NBEA: variants seen among roughly 807,000 people sequenced by gnomAD.
The protein encoded by NBEA is lysosomal-trafficking regulator 2.
In NBEA, 44 loss-of-function variants were observed where a neutral mutation model predicts 343.4. That is an observed-to-expected ratio of 0.13 (90% CI 0.10 to 0.16). NBEA has a LOEUF of 0.16. Ranked by LOEUF, NBEA falls within the 10% of genes least tolerant of loss-of-function variation. The pLI, the probability that NBEA is intolerant of heterozygous loss-of-function variation, is 1.00. For synonymous variants in NBEA, 1,175 were observed against 1,238.7 expected (o/e 0.95, Z 1.08); for missense variants, 2,555 against 3,631.3 (o/e 0.70, Z 7.62).
intron 34 of NBEA, among the ~76,000 whole-genome samples, chr13:35,244,238 A>T (rs2030821425): frequency 6.6e-6 from 1 of 151,954 alleles, no homozygotes; most frequent in Admixed American, 6.6e-5. Context: ...TTAGAAATAA[A>T]ACAACATATT....
At chr13:35,557,334 G>A (rs2079621633) in intron 44 of NBEA, among the ~76,000 whole-genome samples, 1 of 152,048 alleles carries the variant, frequency 6.6e-6, no homozygotes, top group South Asian at 2.1e-4. Flanking sequence ...TACTTTCTGG[G>A]AGTCTCTTTA....
At chr13:35,161,151 A>G (rs2069528687) in intron 22 of NBEA, among the ~76,000 whole-genome samples, 1 of 152,184 alleles carries the variant, frequency 6.6e-6, no homozygotes, top group African/African-American at 2.4e-5. Flanking sequence ...GATGTAAAAT[A>G]AAGGAAAACA....
rs142721934 is a variant in NBEA at position 35,038,513 on chromosome 13, C to T, written c.295-2420C>T. ...ACAAGTCTCAGAAACTCACCAAGGC[C>T]CTCAGCGTAGTACCTTGGTATCACT... On this transcript the variant is annotated intron_variant, in intron 1 of 58. Coordinates refer to ENST00000379939, the MANE Select transcript of NBEA (RefSeq NM_001385012.1). Among the ~76,000 whole-genome samples the T allele has an allele frequency of 3.1e-3, 472 of 152,022 alleles. 3 individuals are homozygous for T. Among genetic ancestry groups the T allele is most frequent in the Middle Eastern group, 7.0e-3 (2 of 284 alleles).
intron 24 of NBEA, among the ~76,000 whole-genome samples, chr13:35,168,297 T>C (rs768315303): frequency 6.6e-6 from 1 of 151,590 alleles, no homozygotes; most frequent in Non-Finnish European, 1.5e-5. Flanking sequence ...ACTAATTCTA[T>C]CTGATATTTG....
intron 1 of NBEA, among the ~76,000 whole-genome samples, chr13:35,003,940 A>G (rs1009198433): frequency 6.6e-6 from 1 of 151,106 alleles, no homozygotes; most frequent in African/African-American, 2.4e-5. Context: ...CCCTCCTCCC[A>G]CCCTACCCTG....
At chr13:35,200,392 C>T (rs1420842482) in intron 31 of NBEA, among the ~76,000 whole-genome samples, 1 of 144,100 alleles carries the variant, frequency 6.9e-6, no homozygotes, top group African/African-American at 2.6e-5. Context: ...ATATATATAT[C>T]TATGTTTTGG....
intron 36 of NBEA, among the ~76,000 whole-genome samples, chr13:35,323,069 C>T (rs193160177): frequency 1.3e-5 from 2 of 152,186 alleles, no homozygotes; most frequent in East Asian, 1.9e-4. Flanking sequence ...AGTCTGGTCT[C>T]GAACTCCTGA....
At chr13:35,099,254 A>G (rs1218174629) in intron 11 of NBEA, among the ~76,000 whole-genome samples, 3 of 135,432 alleles carry the variant, frequency 2.2e-5, no homozygotes, top group Non-Finnish European at 3.1e-5. Context: ...GCTGGAGTGC[A>G]CTGGCTCAAT....
rs1566362361 is a variant in NBEA, at chr13:35,583,879, A to T, written c.7036-19A>T. On this transcript the variant is annotated intron_variant, in intron 45 of 58. Transcript: ENST00000379939. The stretch of plus-strand genomic sequence containing the variant: ...CTAATATGACTGTATTAAACAAAAT[A>T]TTTTTTTTCTTTTAATAGCCAATTG... 1 of 1,591,476 alleles carries T rather than the reference A, an allele frequency of 6.3e-7. No individual in the cohort carries two copies. The highest frequency in any genetic ancestry group is 2.2e-5 in the East Asian group (1 of 44,706).
At chr13:34,972,480 C>T (rs189196986) in intron 1 of NBEA, among the ~76,000 whole-genome samples, 1 of 152,282 alleles carries the variant, frequency 6.6e-6, no homozygotes, top group East Asian at 1.9e-4. Flanking sequence ...ATAAATTTCT[C>T]TCTTAACACT....
chr13:35,133,963 C>G (rs2067575287), intron 17 of NBEA, among the ~76,000 whole-genome samples: 1 of 150,942 alleles, frequency 6.6e-6, no homozygotes, highest in African/African-American at 2.4e-5. Flanking sequence ...GTATAGCAAA[C>G]AAAAGTAAAG....
At chr13:35,602,492 G>A (rs1055536954) in intron 47 of NBEA, among the ~76,000 whole-genome samples, 2 of 152,186 alleles carry the variant, frequency 1.3e-5, no homozygotes, top group South Asian at 2.1e-4. Context: ...TAGCTCTGGT[G>A]TTTGAAACCT....
At chr13:35,048,473 GTTAT>G in intron 4 of NBEA, 86 bp from the exon 5 acceptor site, 2 of 1,183,964 alleles carry the variant, frequency 1.7e-6, no homozygotes, top group Non-Finnish European at 2.3e-6. Context: ...TACTTTGATT[GTTAT>G]TTAATCTGCA....
intron 40 of NBEA, among the ~76,000 whole-genome samples, chr13:35,462,062 AGACCTGGAAG>A (rs1224646214): frequency 6.6e-6 from 1 of 152,252 alleles, no homozygotes; most frequent in Non-Finnish European, 1.5e-5. Context: ...AGTAGGGACA[AGACCTGGAAG>A]GACCTGTTGG....
At chr13:35,179,767 A>G in intron 28 of NBEA, 1 of 984,730 alleles carries the variant, frequency 1.0e-6, no homozygotes, top group Non-Finnish European at 1.2e-6. Flanking sequence ...ATGGTCTGTC[A>G]CAGCTTGAGC....
chr13:35,552,990 C>T (rs1566310301), intron 43 of NBEA, among the ~76,000 whole-genome samples: 1 of 151,916 alleles, frequency 6.6e-6, no homozygotes, highest in African/African-American at 2.4e-5. Flanking sequence ...TCCCCAGGCT[C>T]AGGAGATCCT....
chr13:35,581,439 C>G (rs1369933092), intron 45 of NBEA, among the ~76,000 whole-genome samples: 3 of 151,952 alleles, frequency 2.0e-5, no homozygotes, highest in East Asian at 1.9e-4. Flanking sequence ...AGTGTCTGTT[C>G]ATGTCCTTCG....
chr13:35,445,790 A>ATATATATATATATATATATATATATATG (rs1343923710), intron 39 of NBEA, among the ~76,000 whole-genome samples: 17 of 69,856 alleles, frequency 2.4e-4, no homozygotes, highest in Admixed American at 4.7e-4. Context: ...GTTTATATAT[A>ATATATATATATATATATATATATATATG]TATATATATA....
intron 21 of NBEA, among the ~76,000 whole-genome samples, chr13:35,158,731 G>T (rs552215418): frequency 1.2e-4 from 18 of 152,142 alleles, no homozygotes; most frequent in African/African-American, 4.3e-4. Context: ...TTTGGTTTGG[G>T]TAACATTGAA....
Sources: gnomAD v4.1 joint callset for allele counts (sites outside exome capture counted in the v4.1 genomes callset) on GRCh38, gnomAD v4.1.1 for gene constraint, MANE v1.5 for transcripts, NCBI Gene and HGNC (gene_info 2026-07-23, HGNC 2026-07-21) for gene names.